The following PIK3AP1 variants were observed in gnomAD, a reference collection of about 807,000 sequenced individuals.
PIK3AP1 encodes phosphoinositide 3-kinase adapter protein 1.
Under a neutral mutation model 88.1 loss-of-function variants are expected in PIK3AP1, and 21 were observed. The observed-to-expected ratio is 0.24, with a 90% CI of 0.17 to 0.34. The LOEUF is 0.34. Ranked by LOEUF, PIK3AP1 falls within the 10% of genes least tolerant of loss-of-function variation. PIK3AP1 has a pLI of 1.00. For synonymous variants in PIK3AP1, 398 were observed against 400.0 expected (o/e 1.00, Z 0.06); for missense variants, 828 against 1,035.7 (o/e 0.80, Z 2.75).
intron 7 of PIK3AP1, among the ~76,000 whole-genome samples, chr10:96,646,423 ATC>A (rs988665872): frequency 1.3e-5 from 2 of 152,124 alleles, no homozygotes; most frequent in Non-Finnish European, 2.9e-5. Flanking sequence ...AAAATCTAGT[ATC>A]TTACTCAAGG....
rs146938686 is a variant in PIK3AP1, at chr10:96,688,367, C to T, written c.430+21200G>A. 2.6e-3 allele frequency among the ~76,000 whole-genome samples: 393 copies of T among 152,202 alleles called. 1 individual carries two copies. Among genetic ancestry groups the T allele is most frequent in the African/African-American group, 8.9e-3 (370 of 41,512 alleles). The stretch of plus-strand genomic sequence containing the variant: ...CACTTGATACTATCTCAATAAAATA[C>T]GAGGCCATGGAAATGTGCTATGATA... On this transcript the variant is annotated intron_variant, in intron 2 of 16. Coordinates refer to ENST00000339364, the MANE Select transcript of PIK3AP1 (RefSeq NM_152309.3).
chr10:96,633,568 A>G (rs1362828910), intron 8 of PIK3AP1, among the ~76,000 whole-genome samples: 10 of 152,338 alleles, frequency 6.6e-5, no homozygotes, highest in Non-Finnish European at 1.5e-4. Context: ...TACTATTATT[A>G]CTATTATTAT....
At chr10:96,674,737 G>C (rs1843893178) in intron 2 of PIK3AP1, among the ~76,000 whole-genome samples, 1 of 152,368 alleles carries the variant, frequency 6.6e-6, no homozygotes, top group African/African-American at 2.4e-5. Context: ...GAGGCTTTTA[G>C]TGTGGAATCT....
chr10:96,631,679 A>T (rs957016191), intron 8 of PIK3AP1, among the ~76,000 whole-genome samples: 1 of 152,202 alleles, frequency 6.6e-6, no homozygotes, highest in South Asian at 2.1e-4. Flanking sequence ...GCTTGAGGTC[A>T]GGAGTTTTGA....
intron 2 of PIK3AP1, among the ~76,000 whole-genome samples, chr10:96,692,559 C>G (rs1844167537): frequency 6.8e-6 from 1 of 147,460 alleles, no homozygotes; most frequent in South Asian, 2.2e-4. Context: ...TCTGACAGAG[C>G]AAGATTCCAT....
intron 12 of PIK3AP1, among the ~76,000 whole-genome samples, chr10:96,619,048 T>C (rs1843039248): frequency 6.6e-6 from 1 of 152,072 alleles, no homozygotes; most frequent in Non-Finnish European, 1.5e-5. Flanking sequence ...GGCTCTGGGG[T>C]GAGAAAGGGG....
Position 96,628,567 on chromosome 10 carries a change from A to G in PIK3AP1, c.1376-74T>C. The G allele has an allele frequency of 3.2e-6, 4 of 1,241,620 alleles. No individual in the cohort carries two copies. The South Asian group carries it at 3.6e-5, about 11-fold the overall frequency. The allele number at this position is 1,241,620 out of a possible 1,614,324, so 76.9% of individuals were successfully genotyped here. On this transcript the variant is annotated intron_variant, in intron 8 of 16. Transcript: ENST00000339364. ...CAAGGAGATTTTTACAGATGGAACT[A>G]TGAGGTTTGGCAACTCTCTTAAGAG...
At chr10:96,623,592 A>G (rs1843116838) in intron 10 of PIK3AP1, 55 bp from the exon 11 acceptor site, 1 of 1,361,594 alleles carries the variant, frequency 7.3e-7, no homozygotes, top group Non-Finnish European at 1.0e-6. Context: ...CCAGTACAAA[A>G]TAATAATAAT....
chr10:96,669,332 T>C (rs529846895), intron 2 of PIK3AP1, among the ~76,000 whole-genome samples: 2 of 152,308 alleles, frequency 1.3e-5, no homozygotes, highest in South Asian at 2.1e-4. Flanking sequence ...TTCCAAAACC[T>C]GAGCTTACTA....
At chr10:96,612,976 ATATATATTTTTTTTTTTTT>A (rs1849147074) in intron 13 of PIK3AP1, among the ~76,000 whole-genome samples, 36 of 59,638 alleles carry the variant, frequency 6.0e-4, no homozygotes, top group South Asian at 3.0e-3. Flanking sequence ...ATATATATAT[ATATATATTTTTTTTTTTTT>A]TTTTTTTTTT....
At chr10:96,648,618 A>G (rs779340101) in intron 7 of PIK3AP1, 41 bp downstream of exon 7, 12 of 1,558,164 alleles carry the variant, frequency 7.7e-6, no homozygotes, top group Non-Finnish European at 9.5e-6. Flanking sequence ...ACTACCACAG[A>G]GTGCATTTCC....
chr10:96,670,676 T>TG (rs1162588978), intron 2 of PIK3AP1, among the ~76,000 whole-genome samples: 2 of 152,224 alleles, frequency 1.3e-5, no homozygotes, highest in African/African-American at 4.8e-5. Context: ...ATTGGAGACC[T>TG]GTCAGCAAAA....
chr10:96,646,953 C>T (rs374273443), intron 7 of PIK3AP1, among the ~76,000 whole-genome samples: 3 of 152,118 alleles, frequency 2.0e-5, no homozygotes, highest in Non-Finnish European at 2.9e-5. Context: ...ATTGACACTT[C>T]GTTAGTTTCC....
intron 16 of PIK3AP1, 22 bp from the exon 17 acceptor site, chr10:96,595,656 C>T: frequency 1.2e-6 from 2 of 1,610,884 alleles, no homozygotes; most frequent in Non-Finnish European, 1.7e-6. Flanking sequence ...GATAAGGCAA[C>T]TCTATTTAAA....
chr10:96,606,224 C>T (rs539003054), intron 14 of PIK3AP1, among the ~76,000 whole-genome samples: 20 of 152,204 alleles, frequency 1.3e-4, no homozygotes, highest in Non-Finnish European at 2.6e-4. Flanking sequence ...CTAAAACCTC[C>T]TCAGTCTCCA....
chr10:96,608,042 C>A (rs2134187981), intron 14 of PIK3AP1, among the ~76,000 whole-genome samples: 1 of 152,292 alleles, frequency 6.6e-6, no homozygotes, highest in Admixed American at 6.5e-5. Flanking sequence ...AGCCAGCCAA[C>A]CCTGGGCACT....
intron 2 of PIK3AP1, among the ~76,000 whole-genome samples, chr10:96,677,613 AC>A (rs1843941853): frequency 1.3e-5 from 2 of 151,904 alleles, no homozygotes; most frequent in African/African-American, 4.8e-5. Flanking sequence ...ACACACACAC[AC>A]ACACACACAC....
At chr10:96,712,840 A>T (rs1369176183) in intron 1 of PIK3AP1, among the ~76,000 whole-genome samples, 1 of 152,260 alleles carries the variant, frequency 6.6e-6, no homozygotes, top group African/African-American at 2.4e-5. Flanking sequence ...TAAAAATGCA[A>T]AAGTGAAAAA....
At chr10:96,666,206 T>G (rs943170233) in intron 2 of PIK3AP1, among the ~76,000 whole-genome samples, 1 of 152,036 alleles carries the variant, frequency 6.6e-6, no homozygotes, top group Non-Finnish European at 1.5e-5. Context: ...GATCACAAGG[T>G]CAGGAGATCG....
Sources: gnomAD v4.1 joint callset for allele counts (sites outside exome capture counted in the v4.1 genomes callset) on GRCh38, gnomAD v4.1.1 for gene constraint, MANE v1.5 for transcripts, NCBI Gene and HGNC (gene_info 2026-07-23, HGNC 2026-07-21) for gene names.